CNTN5: variants seen among roughly 807,000 people sequenced by gnomAD.
The protein encoded by CNTN5 is contactin-5.
CNTN5 carries 77 observed loss-of-function variants against 129.1 expected under a neutral mutation model. That is an observed-to-expected ratio of 0.60 (90% confidence interval 0.50 to 0.72). The LOEUF is 0.72. Among genes scored for constraint, CNTN5 ranks in the 30% least tolerant of loss-of-function variants. The probability of loss-of-function intolerance (pLI) is 0.00; values close to 1 mark genes in which losing one functional copy is unlikely to be tolerated. For synonymous variants in CNTN5, 509 were observed against 465.6 expected (o/e 1.09, Z -1.20); for missense variants, 1,478 against 1,328.8 (o/e 1.11, Z -1.75).
At chr11:99,772,142 TCTA>T (rs772472705) in intron 3 of CNTN5, among the ~76,000 whole-genome samples, 22 of 151,794 alleles carry the variant, frequency 1.4e-4, no homozygotes, top group Non-Finnish European at 2.7e-4. Context: ...GAAAAATTTT[TCTA>T]CTACATCAAT....
chr11:99,039,214 A>T (rs1259035260), intron 1 of CNTN5, among the ~76,000 whole-genome samples: 2 of 152,148 alleles, frequency 1.3e-5, no homozygotes, highest in Non-Finnish European at 2.9e-5. Flanking sequence ...GAAGATCTTA[A>T]AGAGGAATTG....
intron 3 of CNTN5, among the ~76,000 whole-genome samples, chr11:99,769,259 A>T (rs1944863014): frequency 6.6e-6 from 1 of 152,082 alleles, no homozygotes; most frequent in Non-Finnish European, 1.5e-5. Context: ...CCACTTTCTG[A>T]TTCCTCTGCC....
chr11:99,997,999 G>T (rs11222274), intron 8 of CNTN5, among the ~76,000 whole-genome samples: 1 of 152,022 alleles, frequency 6.6e-6, no homozygotes, highest in African/African-American at 2.4e-5. Context: ...TTGATGGGAC[G>T]TATCTCAAAA....
chr11:99,819,313 T>TCCTCCCCTCC (rs1565566894), intron 3 of CNTN5, among the ~76,000 whole-genome samples: 1 of 18,062 alleles, frequency 5.5e-5, no homozygotes, highest in African/African-American at 2.3e-4. Flanking sequence ...CCCTCCCCTC[T>TCCTCCCCTCC]CCTCCCCTCC....
chr11:99,508,707 T>A (rs966412623), intron 2 of CNTN5, among the ~76,000 whole-genome samples: 2 of 152,006 alleles, frequency 1.3e-5, no homozygotes, highest in African/African-American at 4.8e-5. Flanking sequence ...GACACGGAAT[T>A]TTGTTCTTGT....
At chr11:99,483,293 G>A (rs372015357) in intron 2 of CNTN5, among the ~76,000 whole-genome samples, 15 of 151,448 alleles carry the variant, frequency 9.9e-5, no homozygotes, top group East Asian at 7.8e-4. Flanking sequence ...TTTGACCTTT[G>A]ACTTGGGGTT....
intron 7 of CNTN5, among the ~76,000 whole-genome samples, chr11:99,934,868 C>T (rs996344678): frequency 1.5e-5 from 1 of 68,694 alleles, no homozygotes; most frequent in Non-Finnish European, 2.7e-5. Flanking sequence ...GAGTGAGACT[C>T]AGTCTGTGTG....
chr11:100,304,874 G>A (rs995830847), intron 20 of CNTN5, among the ~76,000 whole-genome samples: 1 of 150,968 alleles, frequency 6.6e-6, no homozygotes, highest in South Asian at 2.1e-4. Flanking sequence ...ACTAAGACAT[G>A]GAAAGAATTA....
intron 3 of CNTN5, among the ~76,000 whole-genome samples, chr11:99,626,706 G>A (rs1951146005): frequency 6.6e-6 from 1 of 151,986 alleles, no homozygotes; most frequent in African/African-American, 2.4e-5. Flanking sequence ...ACATTTTAAG[G>A]GAGACCTAGA....
At chr11:99,252,733 AT>A (rs1565439593) in intron 1 of CNTN5, among the ~76,000 whole-genome samples, 1 of 151,898 alleles carries the variant, frequency 6.6e-6, no homozygotes, top group East Asian at 1.9e-4. Context: ...GATTCTTTAT[AT>A]TTTTTGTTCT....
At chr11:100,191,958 T>C (rs1410010490) in intron 14 of CNTN5, among the ~76,000 whole-genome samples, 1 of 151,944 alleles carries the variant, frequency 6.6e-6, no homozygotes, top group Non-Finnish European at 1.5e-5. Flanking sequence ...GCATGTATCA[T>C]ATGGCAAACC....
intron 16 of CNTN5, among the ~76,000 whole-genome samples, chr11:100,244,821 C>T (rs116867002): frequency 0.016 from 2,463 of 152,126 alleles, 24 homozygotes; most frequent in Non-Finnish European, 0.025. Context: ...CTGTTTGTTT[C>T]GGCTAGCTTT....
chr11:99,761,619 T>A (rs569378670), intron 3 of CNTN5, among the ~76,000 whole-genome samples: 147 of 152,290 alleles, frequency 9.7e-4, no homozygotes, highest in African/African-American at 3.5e-3. Context: ...GGCTGCATAG[T>A]ATTCCATGGT....
chr11:100,337,694 G>C, intron 21 of CNTN5: 11 of 565,954 alleles, frequency 1.9e-5, no homozygotes, highest in Non-Finnish European at 3.8e-5. Context: ...TTCTCCAGCT[G>C]TGCATATGTT....
intron 16 of CNTN5, among the ~76,000 whole-genome samples, chr11:100,239,939 T>G (rs1472681896): frequency 2.6e-5 from 4 of 152,356 alleles, no homozygotes; most frequent in African/African-American, 7.2e-5. Flanking sequence ...AGGTTATTGA[T>G]TCATATAATT....
chr11:99,065,703 A>G (rs943449405), intron 1 of CNTN5, among the ~76,000 whole-genome samples: 1 of 151,940 alleles, frequency 6.6e-6, no homozygotes, highest in Non-Finnish European at 1.5e-5. Flanking sequence ...TACCACCTAC[A>G]CATGTGGACA....
At chr11:99,546,198 T>G (rs1948285417) in intron 2 of CNTN5, among the ~76,000 whole-genome samples, 1 of 152,188 alleles carries the variant, frequency 6.6e-6, no homozygotes, top group East Asian at 1.9e-4. Flanking sequence ...GGAAGCTTGA[T>G]AAGATCTATA....
chr11:99,780,961 C>T (rs946722885), intron 3 of CNTN5, among the ~76,000 whole-genome samples: 4 of 151,974 alleles, frequency 2.6e-5, no homozygotes, highest in African/African-American at 7.2e-5. Flanking sequence ...TGGAAACACA[C>T]GTGGCATCTT....
intron 2 of CNTN5, among the ~76,000 whole-genome samples, chr11:99,379,311 A>T (rs112995895): frequency 1.3e-5 from 2 of 151,240 alleles, no homozygotes; most frequent in Admixed American, 1.3e-4. Flanking sequence ...TTTTTATATT[A>T]TCTCTAACTT....
Sources: allele counts gnomAD v4.1 joint callset (sites outside exome capture counted in the v4.1 genomes callset), GRCh38; gene constraint gnomAD v4.1.1; transcripts MANE v1.5; gene names NCBI Gene and HGNC (gene_info 2026-07-23, HGNC 2026-07-21).